The following CD8B variants were observed in gnomAD, a reference collection of about 807,000 sequenced individuals.
The protein encoded by CD8B is T-cell surface glycoprotein CD8 beta chain.
In CD8B, 6 loss-of-function variants were observed where a neutral mutation model predicts 24.2. That is an observed-to-expected ratio of 0.25 (90% CI 0.14 to 0.49). The LOEUF (loss-of-function observed/expected upper bound fraction) is 0.49, where lower values mean the gene tolerates loss of function less well. Ranked by LOEUF, CD8B falls within the 20% of genes least tolerant of loss-of-function variation. The pLI, the probability that CD8B is intolerant of heterozygous loss-of-function variation, is 0.98. For missense variants in CD8B, 196 were observed against 271.3 expected, an observed-to-expected ratio of 0.72 and a Z score of 1.95; for synonymous variants, 84 against 108.3, an observed-to-expected ratio of 0.78 and a Z score of 1.39.
chr2:86,815,510 A>T (rs911422326), downstream of CD8B: 1 of 787,030 alleles, frequency 1.3e-6, no homozygotes, highest in Non-Finnish European at 2.2e-6. Flanking sequence ...ATGGTGGCAG[A>T]GAAGTCTCTG....
chr2:86,860,185 G>A (rs1225425014), intron 1 of CD8B, among the ~76,000 whole-genome samples: 9 of 152,290 alleles, frequency 5.9e-5, no homozygotes, highest in Non-Finnish European at 1.3e-4. Flanking sequence ...CAGGAGAATC[G>A]CTTGAACCCG....
At chr2:86,827,201 C>T (rs1284721128) in intron 5 of CD8B, among the ~76,000 whole-genome samples, 2 of 151,272 alleles carry the variant, frequency 1.3e-5, no homozygotes, top group African/African-American at 4.9e-5. Context: ...ACTGAGTAGA[C>T]TTGTTTATGA....
chr2:86,834,860 C>T (rs531357793), downstream of CD8B, among the ~76,000 whole-genome samples: 13 of 147,776 alleles, frequency 8.8e-5, no homozygotes, highest in East Asian at 6.3e-4. Context: ...CGCTTGAACC[C>T]GGGAGGCGGA....
chr2:86,834,192 TAG>T (rs2104524292), downstream of CD8B, among the ~76,000 whole-genome samples: 1 of 152,130 alleles, frequency 6.6e-6, no homozygotes, highest in East Asian at 1.9e-4. Flanking sequence ...TAAACACTAC[TAG>T]ATGGTGCCCA....
intron 1 of CD8B, 75 bp downstream of exon 1, chr2:86,861,748 G>A: frequency 1.8e-6 from 2 of 1,125,532 alleles, no homozygotes; most frequent in Non-Finnish European, 2.3e-6. Context: ...CCAGGGCCAG[G>A]ACAGCCACTT....
rs1436173380 is a variant in CD8B at position 86,821,696 on chromosome 2, T to C, written c.621-5978A>G. The stretch of plus-strand genomic sequence containing the variant: ...AGTGTGGACCCCCAAATGGAACATT[T>C]TCCTTCCCTAGGTGAACGCCTTCGG... On this transcript the variant is annotated intron_variant, in intron 5 of 5. Coordinates refer to the CD8B transcript ENST00000331469. 4 of 428,564 alleles carry C rather than the reference T, an allele frequency of 9.3e-6. No homozygotes were observed. In the Admixed American group the frequency reaches 9.6e-5, roughly 10 times the overall value. 26.5% of individuals were successfully genotyped at this position (428,564 alleles called of 1,614,324 possible).
At chr2:86,822,273 C>A in intron 5 of CD8B, 1 of 1,076,308 alleles carries the variant, frequency 9.3e-7, no homozygotes, top group Non-Finnish European at 1.4e-6. Flanking sequence ...AGGTAAGAGT[C>A]ATGATGACCT....
In CD8B at chr2:86,828,357, G is replaced by T. The variant is rs540092162; in HGVS notation, c.621-12639C>A. 2.0e-4 allele frequency among the ~76,000 whole-genome samples: 31 copies of T among 151,902 alleles called. 1 individual carries two copies. Among genetic ancestry groups the T allele is most frequent in the African/African-American group, 7.5e-4 (31 of 41,396 alleles). On this transcript the variant is annotated intron_variant, in intron 5 of 5. Transcript: ENST00000331469. The stretch of plus-strand genomic sequence containing the variant: ...GTGTGTGCGTGTCTGGACCCACAGA[G>T]AAGTTTTTAATGTAGATATATAAAG...
chr2:86,826,056 G>T lies in CD8B; in HGVS notation c.621-10338C>A, dbSNP rs147759165. Among the ~76,000 whole-genome samples the T allele has an allele frequency of 1.9e-3, 286 of 152,238 alleles. 1 individual carries two copies. The highest frequency in any genetic ancestry group is 6.6e-3 in the African/African-American group (274 of 41,522). The stretch of plus-strand genomic sequence containing the variant: ...GCAGACCAAGCAGGCTCAGGTGCCC[G>T]TGTTTGCAGGCGGTTTTTTAGAACG... On this transcript the variant is annotated intron_variant, in intron 5 of 5. Transcript: ENST00000331469.
intron 5 of CD8B, among the ~76,000 whole-genome samples, chr2:86,825,966 C>T (rs1387500999): frequency 6.6e-6 from 1 of 152,076 alleles, no homozygotes; most frequent in African/African-American, 2.4e-5. Context: ...AATGTGCAGA[C>T]CTCCGCCACT....
At chr2:86,824,661 G>A (rs1020368389) in intron 5 of CD8B, among the ~76,000 whole-genome samples, 4 of 152,156 alleles carry the variant, frequency 2.6e-5, no homozygotes, top group African/African-American at 9.7e-5. Context: ...GAGGGAAGGG[G>A]AGGAGAGCTC....
At chr2:86,850,973 C>T in intron 3 of CD8B, among the ~76,000 whole-genome samples, 1 of 151,980 alleles carries the variant, frequency 6.6e-6, no homozygotes, top group South Asian at 2.1e-4. Flanking sequence ...CACCTGTAAT[C>T]CCAGCTACTC....
In CD8B at chr2:86,841,951, G is replaced by T; in HGVS notation, c.*356C>A. ...GACCCAATGTTACTGCCCTACCAGG[G>T]CAAAGCAACCTGCAAAGATGGTGGC... is the stretch of plus-strand genomic sequence containing the variant. On this transcript the variant is annotated 3_prime_UTR_variant, in exon 6 of 6. Transcript: ENST00000390655. The T allele has an allele frequency of 9.6e-7, 1 of 1,036,440 alleles. No homozygotes were observed. Among genetic ancestry groups the T allele is most frequent in the Non-Finnish European group, 1.2e-6 (1 of 863,964 alleles). 64.2% of individuals were successfully genotyped at this position (1,036,440 alleles called of 1,614,324 possible).
At chr2:86,855,036 G>A (rs1176007358) in intron 2 of CD8B, among the ~76,000 whole-genome samples, 1 of 151,720 alleles carries the variant, frequency 6.6e-6, no homozygotes, top group African/African-American at 2.4e-5. Flanking sequence ...CAGCAGAGTC[G>A]TTTGAACCTG....
intron 5 of CD8B, chr2:86,815,815 C>A: frequency 2.7e-6 from 2 of 743,640 alleles, no homozygotes; most frequent in South Asian, 3.1e-5. Flanking sequence ...GTGACTCAGT[C>A]GAGTCAGATG....
intron 5 of CD8B, among the ~76,000 whole-genome samples, chr2:86,827,109 C>T (rs4832051): frequency 0.25 from 37,822 of 152,036 alleles, 5,371 homozygotes; most frequent in Non-Finnish European, 0.33. Flanking sequence ...GCATGAGCCA[C>T]TGTGCCTGGC....
chr2:86,817,193 G>A (rs6547705), intron 5 of CD8B, among the ~76,000 whole-genome samples: 126,262 of 152,160 alleles, frequency 0.83, 53,010 homozygotes, highest in East Asian at 0.98. Flanking sequence ...CTGTGATGCA[G>A]TGTTGATGGG....
At chr2:86,817,616 A>C (rs753705195) in intron 5 of CD8B, among the ~76,000 whole-genome samples, 3 of 152,216 alleles carry the variant, frequency 2.0e-5, no homozygotes, top group Non-Finnish European at 4.4e-5. Context: ...TACTTACATA[A>C]TAAGAGAATC....
chr2:86,842,256 G>A lies in CD8B; in HGVS notation c.*51C>T, dbSNP rs4322832. On this transcript the variant is annotated 3_prime_UTR_variant, in exon 6 of 6. Transcript: ENST00000390655. Reference sequence around the variant, plus strand: ...TCTCTCATTTTTCCACATCGTGCTCGTTACTGACCGATGTCTTTTTGTAGC... The same window carrying A: ...TCTCTCATTTTTCCACATCGTGCTCATTACTGACCGATGTCTTTTTGTAGC... 0.65 allele frequency: 966,334 copies of A among 1,486,494 alleles called. 309,850 individuals carry two copies. Among genetic ancestry groups the A allele is most frequent in the East Asian group, 0.82 (35,906 of 43,696 alleles). The allele number at this position is 1,486,494 out of a possible 1,614,324, so 92.1% of individuals were successfully genotyped here.
Sources: gnomAD v4.1 joint callset for allele counts (sites outside exome capture counted in the v4.1 genomes callset) on GRCh38, gnomAD v4.1.1 for gene constraint, MANE v1.5 for transcripts, NCBI Gene and HGNC (gene_info 2026-07-23, HGNC 2026-07-21) for gene names.